PRUNE2: variants seen among roughly 807,000 people sequenced by gnomAD.
The protein encoded by PRUNE2 is protein prune homolog 2.
In PRUNE2, 164 loss-of-function variants were observed where a neutral mutation model predicts 252.0. That is an observed-to-expected ratio of 0.65 (90% CI 0.57 to 0.74). The LOEUF (loss-of-function observed/expected upper bound fraction) is 0.74, where lower values mean the gene tolerates loss of function less well. Ranked by LOEUF, PRUNE2 falls within the 30% of genes least tolerant of loss-of-function variation. PRUNE2 has a pLI of 0.00. For synonymous variants in PRUNE2, 1,292 were observed against 1,350.2 expected (o/e 0.96, Z 0.94); for missense variants, 3,495 against 3,711.0 (o/e 0.94, Z 1.51).
chr9:76,870,679 C>T (rs1462032249), intron 1 of PRUNE2, among the ~76,000 whole-genome samples: 4 of 140,844 alleles, frequency 2.8e-5, no homozygotes, highest in African/African-American at 5.5e-5. Flanking sequence ...GAGCGAGATT[C>T]TGTCTCAAAA....
chr9:76,881,618 T>G (rs1040262048), intron 1 of PRUNE2, among the ~76,000 whole-genome samples: 80 of 149,978 alleles, frequency 5.3e-4, no homozygotes, highest in African/African-American at 2.0e-3. Context: ...TTCTGGACAT[T>G]TCTTTTTTTT....
chr9:76,737,957 A>T (rs1467953418), intron 6 of PRUNE2: 2 of 152,264 alleles, frequency 1.3e-5, no homozygotes, highest in African/African-American at 4.8e-5. Flanking sequence ...TGATTAAAAC[A>T]TACAGAGCCT....
chr9:76,710,706 G>C lies in PRUNE2; in HGVS notation c.1568C>G (p.Pro523Arg). The C allele has an allele frequency of 6.2e-7, 1 of 1,612,852 alleles. No individual in the cohort carries two copies. Among genetic ancestry groups the C allele is most frequent in the Non-Finnish European group, 8.5e-7 (1 of 1,179,420 alleles). Residue 523 changes from proline (P) to arginine (R), a missense_variant, in exon 8 of 19, where the codon CCC (proline) becomes CGC (arginine). Physicochemically the swap from Pro to Arg is moderately radical, Grantham distance 103. Transcript: ENST00000376718. ...CTGTCCTTCTGACAGGTCACTGTTG[G>C]GGAAGAAGTCATCTGCTGGGGAGTA... ...ADYSPADDFF[P>R]NSDLSEGQLP...
chr9:76,649,441 C>A (rs1056383779), intron 11 of PRUNE2, among the ~76,000 whole-genome samples: 13 of 152,102 alleles, frequency 8.5e-5, no homozygotes, highest in African/African-American at 3.1e-4. Flanking sequence ...TACCAATTAG[C>A]TGGGTATGGT....
intron 6 of PRUNE2, among the ~76,000 whole-genome samples, chr9:76,751,993 A>G (rs2050647499): frequency 6.6e-6 from 1 of 151,458 alleles, no homozygotes; most frequent in Non-Finnish European, 1.5e-5. Flanking sequence ...TCATAGACTC[A>G]TATAACTCTA....
chr9:76,709,909 C>A lies in PRUNE2; in HGVS notation c.2365G>T (p.Gly789Cys). Reference sequence around the variant, plus strand: ...AATGGCGCCACAGCTGCTGGTTCACCATCATCTGTAGGATTTCCCCAGGGC... The same window carrying A: ...AATGGCGCCACAGCTGCTGGTTCACAATCATCTGTAGGATTTCCCCAGGGC... ...PEPWGNPTDD[G>C]EPAAVAPFPA... The change falls in exon 8 of 19, where the codon GGT (glycine) becomes TGT (cysteine). Residue 789 changes from glycine (G) to cysteine (C), a missense_variant. Physicochemically the swap from Gly to Cys is radical, Grantham distance 159 (BLOSUM62 -3). Coordinates refer to ENST00000376718, the MANE Select transcript of PRUNE2 (RefSeq NM_015225.3). 6.2e-7 allele frequency: 1 copy of A among 1,613,820 alleles called. No individual in the cohort carries two copies. Among genetic ancestry groups the A allele is most frequent in the Non-Finnish European group, 8.5e-7 (1 of 1,179,830 alleles).
intron 1 of PRUNE2, among the ~76,000 whole-genome samples, chr9:76,904,264 T>G (rs1424706743): frequency 6.6e-6 from 1 of 152,054 alleles, no homozygotes; most frequent in Non-Finnish European, 1.5e-5. Flanking sequence ...GAGCAATTGC[T>G]CGTCTAATGA....
intron 6 of PRUNE2, chr9:76,739,188 A>T (rs1035326225): frequency 2.0e-5 from 3 of 152,230 alleles, no homozygotes; most frequent in Non-Finnish European, 4.4e-5. Flanking sequence ...GATACTAAGG[A>T]GGAAGAGAAA....
intron 1 of PRUNE2, among the ~76,000 whole-genome samples, chr9:76,859,061 C>T (rs2060415459): frequency 1.3e-5 from 2 of 152,110 alleles, no homozygotes; most frequent in Admixed American, 6.6e-5. Context: ...CAACCCTTTG[C>T]GAATGCCTAA....
At chr9:76,691,070 C>T (rs569957148) in intron 9 of PRUNE2, among the ~76,000 whole-genome samples, 11 of 152,282 alleles carry the variant, frequency 7.2e-5, no homozygotes, top group African/African-American at 2.6e-4. Flanking sequence ...TCTAAGAAAA[C>T]TTTCATCAGA....
intron 6 of PRUNE2, among the ~76,000 whole-genome samples, chr9:76,815,914 G>A (rs10869825): frequency 0.47 from 70,999 of 151,826 alleles, 16,701 homozygotes; most frequent in Middle Eastern, 0.54. Context: ...TAATCCCAAC[G>A]TTTTAAGAGG....
At chr9:76,877,980 T>C (rs1354796151) in intron 1 of PRUNE2, among the ~76,000 whole-genome samples, 1 of 152,196 alleles carries the variant, frequency 6.6e-6, no homozygotes, top group Non-Finnish European at 1.5e-5. Flanking sequence ...AGTGGTAGTG[T>C]TATCAATAGA....
chr9:76,871,567 A>G (rs2133081387), intron 1 of PRUNE2, among the ~76,000 whole-genome samples: 1 of 152,262 alleles, frequency 6.6e-6, no homozygotes, highest in Non-Finnish European at 1.5e-5. Context: ...TCTGCTAGCC[A>G]TTTTATATGT....
intron 10 of PRUNE2, 116 bp from the exon 11 acceptor site, chr9:76,652,799 G>T: frequency 2.9e-6 from 2 of 701,114 alleles, no homozygotes; most frequent in Non-Finnish European, 4.9e-6. Context: ...CCAACATGAC[G>T]TGTCAAGGAA....
chr9:76,721,209 T>C (rs1200472208), intron 6 of PRUNE2, among the ~76,000 whole-genome samples: 1 of 152,222 alleles, frequency 6.6e-6, no homozygotes, highest in Non-Finnish European at 1.5e-5. Flanking sequence ...TGTCTGCCAC[T>C]ATGCAAACAA....
chr9:76,678,545 C>T (rs1400050683), intron 9 of PRUNE2, among the ~76,000 whole-genome samples: 1 of 152,024 alleles, frequency 6.6e-6, no homozygotes, highest in African/African-American at 2.4e-5. Flanking sequence ...AAAGACCTTC[C>T]TTGGCCGGGC....
At chr9:76,758,024 T>G (rs1307895869) in intron 6 of PRUNE2, among the ~76,000 whole-genome samples, 3 of 152,230 alleles carry the variant, frequency 2.0e-5, no homozygotes, top group Non-Finnish European at 4.4e-5. Flanking sequence ...TAAAAAATTT[T>G]TTAAATAATA....
intron 1 of PRUNE2, among the ~76,000 whole-genome samples, chr9:76,871,776 A>G (rs1337004621): frequency 1.3e-5 from 2 of 152,014 alleles, no homozygotes; most frequent in African/African-American, 4.8e-5. Context: ...CTACAGGTAC[A>G]TGCCACCCCG....
At chr9:76,812,123 C>T (rs1225265596) in intron 6 of PRUNE2, among the ~76,000 whole-genome samples, 1 of 151,970 alleles carries the variant, frequency 6.6e-6, no homozygotes, top group Admixed American at 6.6e-5. Flanking sequence ...AAATGATAAT[C>T]CAGGATGCAT....
Sources: allele counts gnomAD v4.1 joint callset (sites outside exome capture counted in the v4.1 genomes callset), GRCh38; gene constraint gnomAD v4.1.1; transcripts MANE v1.5; gene names NCBI Gene and HGNC (gene_info 2026-07-23, HGNC 2026-07-21).